Variants in GDPD4 observed in about 807,000 individuals in gnomAD.
GDPD4 encodes glycerophosphodiester phosphodiesterase domain containing 4.
GDPD4 carries 60 observed loss-of-function variants against 67.8 expected under a neutral mutation model. The observed-to-expected ratio is 0.88, with a 90% CI of 0.72 to 1.10. The LOEUF (loss-of-function observed/expected upper bound fraction) is 1.10, where lower values mean the gene tolerates loss of function less well. Ranked by LOEUF, GDPD4 falls within the 50% of genes least tolerant of loss-of-function variation. The pLI, the probability that GDPD4 is intolerant of heterozygous loss-of-function variation, is 0.00. For missense variants in GDPD4, 623 were observed against 613.9 expected, an observed-to-expected ratio of 1.01 and a Z score of -0.16; for synonymous variants, 212 against 210.9, an observed-to-expected ratio of 1.00 and a Z score of -0.04.
At chr11:77,295,185 A>T (rs973857224) in intron 1 of GDPD4, among the ~76,000 whole-genome samples, 5 of 151,132 alleles carry the variant, frequency 3.3e-5, no homozygotes, top group African/African-American at 1.2e-4. Flanking sequence ...ATGGGGTTTC[A>T]CTGTGTTAGC....
chr11:77,289,231 T>G (rs774806967), intron 1 of GDPD4, among the ~76,000 whole-genome samples: 4 of 151,792 alleles, frequency 2.6e-5, no homozygotes, highest in Non-Finnish European at 5.9e-5. Context: ...GGCTTGGTAG[T>G]GCACATCTGT....
At chr11:77,296,825 C>T (rs1937982818) in intron 1 of GDPD4, among the ~76,000 whole-genome samples, 2 of 150,814 alleles carry the variant, frequency 1.3e-5, no homozygotes, top group South Asian at 2.1e-4. Flanking sequence ...TTTGGGAGGC[C>T]GAGGCGGGCA....
chr11:77,292,269 G>A lies in GDPD4; in HGVS notation c.-253-4849C>T, dbSNP rs116794536. Among the ~76,000 whole-genome samples the A allele has an allele frequency of 7.9e-3, 1,196 of 151,878 alleles. 19 individuals carry two copies. Among genetic ancestry groups the A allele is most frequent in the African/African-American group, 0.026 (1,084 of 41,436 alleles). On this transcript the variant is annotated intron_variant, in intron 1 of 16. Transcript: ENST00000315938. ...GTAGACTTAAAAAACACTAGAATTG[G>A]AAAACAGAATTGAAAATACTAGAAT...
intron 16 of GDPD4, among the ~76,000 whole-genome samples, chr11:77,223,195 C>T (rs141602564): frequency 0.25 from 38,064 of 152,082 alleles, 5,863 homozygotes; most frequent in South Asian, 0.43. Flanking sequence ...TTGTTATTAC[C>T]GACCTTCTGA....
At chr11:77,285,561 GATTC>G (rs1393172417) in intron 2 of GDPD4, among the ~76,000 whole-genome samples, 2 of 152,154 alleles carry the variant, frequency 1.3e-5, no homozygotes, top group African/African-American at 4.8e-5. Context: ...TTAATTTATT[GATTC>G]ATTCATCATT....
chr11:77,273,150 C>T (rs1959295712), intron 5 of GDPD4, among the ~76,000 whole-genome samples: 1 of 152,134 alleles, frequency 6.6e-6, no homozygotes, highest in Admixed American at 6.5e-5. Flanking sequence ...AGGTTATTAG[C>T]ATGTTTACAA....
intron 16 of GDPD4, among the ~76,000 whole-genome samples, chr11:77,218,974 C>T (rs1225460120): frequency 6.6e-6 from 1 of 152,206 alleles, no homozygotes; most frequent in Non-Finnish European, 1.5e-5. Flanking sequence ...ACACTGTCTT[C>T]CACAATGGTT....
rs751349078 is a variant in GDPD4 at position 77,217,333 on chromosome 11, A to G, written c.1526-19T>C. 1.3e-6 allele frequency: 2 copies of G among 1,587,350 alleles called. No individual in the cohort carries two copies. The highest frequency in any genetic ancestry group is 1.7e-6 in the Non-Finnish European group (2 of 1,155,618). On this transcript the variant is annotated intron_variant, in intron 16 of 16. Transcript: ENST00000315938. ...TGAGTATCTGTGGGATGGAAAAGAC[A>G]CAGATTCCTCAAATGTCACTTCTCC...
intron 10 of GDPD4, among the ~76,000 whole-genome samples, chr11:77,265,048 TC>T (rs1206556243): frequency 6.6e-6 from 1 of 152,118 alleles, no homozygotes; most frequent in Non-Finnish European, 1.5e-5. Flanking sequence ...CACATTTTCT[TC>T]CCTCTTCTTA....
rs1332421328 is a variant in GDPD4 at position 77,216,618 on chromosome 11, A to C, written c.*659T>G. The C allele has an allele frequency of 8.1e-6, 3 of 370,366 alleles. No individual in the cohort carries two copies. The highest frequency in any genetic ancestry group is 1.5e-5 in the Non-Finnish European group (3 of 202,566). The allele number at this position is 370,366 out of a possible 1,614,324, so 22.9% of individuals were successfully genotyped here. A position where few individuals can be genotyped will look rare whatever the true frequency, so the allele number is the denominator to read the frequency against. Reference sequence around the variant, plus strand: ...ACTCCTTTAGCAGAAAATATTATGGAGGTGTTAGGATGAGATAAACCTGAC... The same window carrying C: ...ACTCCTTTAGCAGAAAATATTATGGCGGTGTTAGGATGAGATAAACCTGAC... On this transcript the variant is annotated 3_prime_UTR_variant, in exon 17 of 17. Coordinates refer to ENST00000315938, the MANE Select transcript of GDPD4 (RefSeq NM_182833.3).
Position 77,216,846 on chromosome 11 carries a change from C to T in GDPD4, c.*431G>A. On this transcript the variant is annotated 3_prime_UTR_variant, in exon 17 of 17. Transcript: ENST00000315938. ...GATGTGGCTAATTCTTCTTTGGAAACACAGAAGGCTATGTCAGATGCAATG... is the reference window on the plus strand; with the variant it reads ...GATGTGGCTAATTCTTCTTTGGAAATACAGAAGGCTATGTCAGATGCAATG... 3.2e-6 allele frequency: 2 copies of T among 632,082 alleles called. No individual in the cohort carries two copies. Among genetic ancestry groups the T allele is most frequent in the Admixed American group, 5.0e-5 (2 of 40,046 alleles). The allele number at this position is 632,082 out of a possible 1,614,324, so 39.2% of individuals were successfully genotyped here.
chr11:77,286,223 T>A (rs1245470535), intron 2 of GDPD4, among the ~76,000 whole-genome samples: 1 of 152,088 alleles, frequency 6.6e-6, no homozygotes, highest in Non-Finnish European at 1.5e-5. Flanking sequence ...TCTCTACCTA[T>A]CCAATTCTTA....
At chr11:77,244,097 G>A (rs1210065993) in intron 12 of GDPD4, among the ~76,000 whole-genome samples, 1 of 152,154 alleles carries the variant, frequency 6.6e-6, no homozygotes, top group Non-Finnish European at 1.5e-5. Flanking sequence ...CTCACTGTAA[G>A]CTCCGCCACC....
At chr11:77,265,214 C>T (rs1462506206) in intron 10 of GDPD4, among the ~76,000 whole-genome samples, 1 of 152,092 alleles carries the variant, frequency 6.6e-6, no homozygotes, top group Non-Finnish European at 1.5e-5. Context: ...TCCTGTTAAT[C>T]TGTCTTATGT....
intron 14 of GDPD4, 78 bp downstream of exon 14, chr11:77,232,947 C>G (rs1387251347): frequency 1.5e-5 from 21 of 1,374,008 alleles, no homozygotes; most frequent in Non-Finnish European, 2.0e-5. Flanking sequence ...GGGGATGGCA[C>G]AGTGGGCAAC....
intron 16 of GDPD4, among the ~76,000 whole-genome samples, chr11:77,221,615 G>GTTCT (rs1234156504): frequency 2.0e-5 from 3 of 152,128 alleles, no homozygotes; most frequent in Admixed American, 6.6e-5. Context: ...TGTGATTTCT[G>GTTCT]TTCTTTTACA....
intron 1 of GDPD4, among the ~76,000 whole-genome samples, chr11:77,293,335 T>C (rs914081417): frequency 1.3e-5 from 2 of 152,218 alleles, no homozygotes; most frequent in African/African-American, 2.4e-5. Context: ...CACTCACTTC[T>C]GTAATCCTAC....
At chr11:77,277,138 T>C (rs983613412) in intron 4 of GDPD4, among the ~76,000 whole-genome samples, 3 of 151,956 alleles carry the variant, frequency 2.0e-5, no homozygotes, top group Admixed American at 6.6e-5. Context: ...AACTATACCA[T>C]TTCATGTTTA....
chr11:77,274,515 C>G (rs534714617), intron 5 of GDPD4, among the ~76,000 whole-genome samples: 1 of 152,288 alleles, frequency 6.6e-6, no homozygotes, highest in Non-Finnish European at 1.5e-5. Context: ...CTCTCTCTTG[C>G]TCCCTTTCTT....
Sources: gnomAD v4.1 joint callset for allele counts (sites outside exome capture counted in the v4.1 genomes callset) on GRCh38, gnomAD v4.1.1 for gene constraint, MANE v1.5 for transcripts, NCBI Gene and HGNC (gene_info 2026-07-23, HGNC 2026-07-21) for gene names.